Variants in RGL1 observed in about 807,000 individuals in gnomAD.
RGL1 encodes the protein ral guanine nucleotide dissociation stimulator like 1.
RGL1 carries 24 observed loss-of-function variants against 95.2 expected under a neutral mutation model. The ratio of observed to expected loss-of-function variants is 0.25; its 90% CI spans 0.18 to 0.35. The LOEUF (loss-of-function observed/expected upper bound fraction) is 0.35. Ranked by LOEUF, RGL1 falls within the 10% of genes least tolerant of loss-of-function variation. The pLI, the probability that RGL1 is intolerant of heterozygous loss-of-function variation, is 1.00. For synonymous variants in RGL1, 329 were observed against 344.9 expected, an observed-to-expected ratio of 0.95 and a Z score of 0.51; for missense variants, 715 against 936.3, an observed-to-expected ratio of 0.76 and a Z score of 3.08.
chr1:183,643,010 T>C (rs1650032064), intron 1 of RGL1, among the ~76,000 whole-genome samples: 1 of 152,212 alleles, frequency 6.6e-6, no homozygotes, highest in African/African-American at 2.4e-5. Context: ...GTAAGTGGAA[T>C]CATGTGGTGT....
chr1:183,886,955 C>A (rs1413755230), intron 7 of RGL1, among the ~76,000 whole-genome samples: 1 of 151,810 alleles, frequency 6.6e-6, no homozygotes, highest in Non-Finnish European at 1.5e-5. Flanking sequence ...TCCTTTAAAC[C>A]CTTAGTTTAA....
At chr1:183,687,128 A>G (rs1046416020) in intron 1 of RGL1, among the ~76,000 whole-genome samples, 4 of 152,150 alleles carry the variant, frequency 2.6e-5, no homozygotes, top group African/African-American at 4.8e-5. Context: ...GTCTGTCATC[A>G]CCATTATGTG....
intron 1 of RGL1, among the ~76,000 whole-genome samples, chr1:183,640,569 A>T (rs745358066): frequency 1.3e-5 from 2 of 152,192 alleles, no homozygotes; most frequent in Middle Eastern, 3.2e-3. Flanking sequence ...AATATTGTGA[A>T]TGAGACTTGT....
At chr1:183,836,084 C>T (rs1327378975) in intron 2 of RGL1, among the ~76,000 whole-genome samples, 2 of 152,190 alleles carry the variant, frequency 1.3e-5, no homozygotes, top group Non-Finnish European at 2.9e-5. Flanking sequence ...AATTCCTACA[C>T]TACAGGGTTG....
intron 7 of RGL1, among the ~76,000 whole-genome samples, chr1:183,886,491 T>C (rs1033410391): frequency 6.6e-5 from 10 of 152,164 alleles, no homozygotes. Context: ...AGTGACAATA[T>C]AGCATCTGTG....
chr1:183,830,556 A>G (rs1663191412), intron 2 of RGL1, among the ~76,000 whole-genome samples: 1 of 149,386 alleles, frequency 6.7e-6, no homozygotes, highest in Non-Finnish European at 1.5e-5. Context: ...TTTCGAAGCA[A>G]ACAGTTGGCC....
intron 2 of RGL1, among the ~76,000 whole-genome samples, chr1:183,821,178 C>A (rs1662465336): frequency 6.6e-6 from 1 of 151,966 alleles, no homozygotes; most frequent in Admixed American, 6.6e-5. Flanking sequence ...TGTTTCTTTT[C>A]AATGTTTTTA....
intron 1 of RGL1, among the ~76,000 whole-genome samples, chr1:183,715,468 T>C (rs943198063): frequency 2.7e-5 from 4 of 147,386 alleles, no homozygotes; most frequent in South Asian, 2.2e-4. Flanking sequence ...AAGAGGACCA[T>C]TGGAGACTGT....
chr1:183,822,237 A>G (rs1662539269), intron 2 of RGL1, among the ~76,000 whole-genome samples: 1 of 152,196 alleles, frequency 6.6e-6, no homozygotes, highest in African/African-American at 2.4e-5. Context: ...AGAGGAAGAA[A>G]TGTAAACCAT....
chr1:183,816,377 G>A (rs535877616), intron 2 of RGL1, among the ~76,000 whole-genome samples: 30 of 152,188 alleles, frequency 2.0e-4, no homozygotes, highest in African/African-American at 7.2e-4. Context: ...AATTGTTCTT[G>A]CACCATCAGT....
chr1:183,833,918 T>C (rs2102495327), intron 2 of RGL1, among the ~76,000 whole-genome samples: 1 of 151,898 alleles, frequency 6.6e-6, no homozygotes, highest in East Asian at 1.9e-4. Context: ...CCTATATTTA[T>C]AGCTTCAGTA....
At position 183,671,438 on chromosome 1, in the gene RGL1, A is replaced by G. The variant is rs1652443463; in HGVS notation, c.-33+34937A>G. 2.0e-5 allele frequency among the ~76,000 whole-genome samples: 3 copies of G among 152,250 alleles called. No homozygotes were observed. In the South Asian group the frequency reaches 6.2e-4, roughly 32 times the overall value. On this transcript the variant is annotated intron_variant, in intron 1 of 18. Transcript: ENST00000304685. ...GTTTTCCACAGTGATTTACCATTGT[A>G]CATTCCCACTAGCAATTTATGAGCA...
intron 2 of RGL1, among the ~76,000 whole-genome samples, chr1:183,755,311 A>G (rs1001975589): frequency 6.6e-6 from 1 of 152,140 alleles, no homozygotes; most frequent in African/African-American, 2.4e-5. Flanking sequence ...AGTTTTATGT[A>G]GTCACAAATC....
intron 1 of RGL1, among the ~76,000 whole-genome samples, chr1:183,734,029 T>A (rs1017874455): frequency 2.0e-5 from 3 of 152,250 alleles, no homozygotes; most frequent in Admixed American, 6.5e-5. Flanking sequence ...TGTAATTAAA[T>A]AGATTCAATT....
intron 4 of RGL1, among the ~76,000 whole-genome samples, chr1:183,877,553 T>G (rs953476578): frequency 3.3e-5 from 5 of 152,342 alleles, no homozygotes; most frequent in Admixed American, 6.5e-5. Flanking sequence ...CTGCCTGGTG[T>G]GCTGAGAAAC....
Position 183,919,837 on chromosome 1 carries a change from G to A in RGL1, c.2005-2385G>A, listed in dbSNP as rs185205935. 4.4e-4 allele frequency among the ~76,000 whole-genome samples: 67 copies of A among 152,264 alleles called. 1 individual carries two copies. The highest frequency in any genetic ancestry group is 1.3e-3 in the Admixed American group (20 of 15,298). The stretch of plus-strand genomic sequence containing the variant: ...AGCATCGTTCAGTACCGCGCATTCA[G>A]TACAGCAGCCACTGGCCACGGGTGG... On this transcript the variant is annotated intron_variant, in intron 16 of 17. Coordinates refer to ENST00000360851, the MANE Select transcript of RGL1 (RefSeq NM_001297671.3).
intron 1 of RGL1, chr1:183,648,665 T>G: frequency 6.2e-7 from 1 of 1,614,250 alleles, no homozygotes. Flanking sequence ...CTCTTGCTTC[T>G]TCACCTGTTC....
At chr1:183,682,978 C>A (rs780579769) in intron 1 of RGL1, among the ~76,000 whole-genome samples, 1 of 151,118 alleles carries the variant, frequency 6.6e-6, no homozygotes, top group East Asian at 1.9e-4. Flanking sequence ...TTATCAGAGA[C>A]GAGGATTGCA....
intron 1 of RGL1, chr1:183,648,118 CA>C (rs771181672): frequency 1.1e-4 from 183 of 1,614,098 alleles, no homozygotes; most frequent in Non-Finnish European, 1.5e-4. Flanking sequence ...TTGTGCCTGT[CA>C]GCCAGTGCTC....
Sources: allele counts gnomAD v4.1 joint callset (sites outside exome capture counted in the v4.1 genomes callset), GRCh38; gene constraint gnomAD v4.1.1; transcripts MANE v1.5; gene names NCBI Gene and HGNC (gene_info 2026-07-23, HGNC 2026-07-21).